MAPRE2: variants seen among roughly 807,000 people sequenced by gnomAD.
MAPRE2 encodes microtubule associated protein RP/EB family member 2.
Under a neutral mutation model 43.2 loss-of-function variants are expected in MAPRE2, and 13 were observed. The ratio of observed to expected loss-of-function variants is 0.30; its 90% CI spans 0.20 to 0.48. The LOEUF (loss-of-function observed/expected upper bound fraction) is 0.48, where lower values mean the gene tolerates loss of function less well. Ranked by LOEUF, MAPRE2 falls within the 20% of genes least tolerant of loss-of-function variation. MAPRE2 has a pLI of 0.99. For missense variants in MAPRE2, 161 were observed against 400.2 expected (o/e 0.40, Z 5.10); for synonymous variants, 135 against 148.8 (o/e 0.91, Z 0.68).
intron 4 of MAPRE2, among the ~76,000 whole-genome samples, chr18:35,105,794 C>T (rs926883748): frequency 6.6e-6 from 1 of 151,938 alleles, no homozygotes; most frequent in African/African-American, 2.4e-5. Flanking sequence ...TACTAAAGAG[C>T]CTCATAGTAT....
chr18:35,035,056 T>A (rs901116462), intron 2 of MAPRE2, among the ~76,000 whole-genome samples: 3 of 151,946 alleles, frequency 2.0e-5, no homozygotes, highest in Non-Finnish European at 4.4e-5. Flanking sequence ...TAAAGACACA[T>A]GCACACGTAT....
At chr18:35,122,580 T>A (rs144229330) in intron 4 of MAPRE2, among the ~76,000 whole-genome samples, 327 of 152,350 alleles carry the variant, frequency 2.1e-3, no homozygotes, top group African/African-American at 7.6e-3. Flanking sequence ...TGTTTAGAAT[T>A]TTTTTTCCAT....
chr18:35,115,257 A>T (rs190402611), intron 4 of MAPRE2, among the ~76,000 whole-genome samples: 1 of 152,308 alleles, frequency 6.6e-6, no homozygotes, highest in African/African-American at 2.4e-5. Context: ...CAGTCAACAC[A>T]TGGCTGTTTT....
chr18:34,989,143 A>G (rs532186612), intron 1 of MAPRE2, among the ~76,000 whole-genome samples: 1 of 152,158 alleles, frequency 6.6e-6, no homozygotes, highest in Non-Finnish European at 1.5e-5. Context: ...AAAAGGAAGG[A>G]GGGGAGTGGG....
At chr18:35,082,988 C>T (rs1907713577) in intron 2 of MAPRE2, among the ~76,000 whole-genome samples, 1 of 152,124 alleles carries the variant, frequency 6.6e-6, no homozygotes, top group African/African-American at 2.4e-5. Context: ...AGACTAAGGT[C>T]ATATTCCTCA....
At chr18:35,134,598 A>G (rs896412966) in intron 6 of MAPRE2, among the ~76,000 whole-genome samples, 3 of 152,222 alleles carry the variant, frequency 2.0e-5, no homozygotes, top group Admixed American at 6.5e-5. Context: ...CAGGGAGGAA[A>G]CGAACATAGT....
chr18:35,000,240 A>G (rs1450704307), intron 1 of MAPRE2, among the ~76,000 whole-genome samples: 1 of 152,188 alleles, frequency 6.6e-6, no homozygotes, highest in Non-Finnish European at 1.5e-5. Context: ...TCTTCTTGGA[A>G]AAGCTGTGAA....
Position 35,102,022 on chromosome 18 carries a change from A to G in MAPRE2, c.473A>G (p.Tyr158Cys), listed in dbSNP as rs1569004058. 2 of 1,613,518 alleles carry G rather than the reference A, an allele frequency of 1.2e-6. No individual in the cohort carries two copies. The highest frequency in any genetic ancestry group is 1.7e-6 in the Non-Finnish European group (2 of 1,179,750). ...LDFIQWFKKF[Y>C]DANYDGKEYD... ...TTTATTCAATGGTTTAAGAAATTCT[A>G]TGATGCTAACTACGATGGGAAGGAG... Residue 158 changes from tyrosine to cysteine, a missense_variant, in exon 4 of 7, where the codon TAT (tyrosine) becomes TGT (cysteine). Physicochemically the swap from Tyr to Cys is radical, Grantham distance 194. Transcript: ENST00000300249.
chr18:35,080,134 T>C (rs937416130), intron 2 of MAPRE2, among the ~76,000 whole-genome samples: 3 of 152,216 alleles, frequency 2.0e-5, no homozygotes, highest in Non-Finnish European at 4.4e-5. Flanking sequence ...TGAAATGCTA[T>C]TCAAACTAGG....
intron 4 of MAPRE2, 120 bp downstream of exon 4, chr18:35,102,279 G>A (rs772788515): frequency 1.6e-4 from 110 of 687,188 alleles, no homozygotes; most frequent in Middle Eastern, 4.1e-4. Context: ...TAATGCCTTC[G>A]GATGATTTCT....
chr18:35,083,601 A>G (rs544931400), intron 2 of MAPRE2, among the ~76,000 whole-genome samples: 51 of 152,168 alleles, frequency 3.4e-4, no homozygotes, highest in Admixed American at 9.8e-4. Context: ...TGCCTCTCCT[A>G]CTTCTTCCTT....
At chr18:35,055,567 G>GTGTGTGTGTGTGTA (rs1568986600) in intron 1 of MAPRE2, among the ~76,000 whole-genome samples, 3 of 150,480 alleles carry the variant, frequency 2.0e-5, no homozygotes, top group African/African-American at 7.4e-5. Context: ...GTGTGTGTAT[G>GTGTGTGTGTGTGTA]TGTGTGTGTG....
rs767183918 is a variant in MAPRE2 at position 35,127,149 on chromosome 18, T to G, written c.750+62T>G. 3 of 1,550,516 alleles carry G rather than the reference T, an allele frequency of 1.9e-6. No individual in the cohort carries two copies. In the Admixed American group the frequency reaches 5.0e-5, roughly 26 times the overall value. ...TGACGTGTGTAAGAGGTAGGGGGCC[T>G]AGGATCCCCTAGGACTGGGGTAAGG... On this transcript the variant is annotated intron_variant, in intron 5 of 6. Coordinates refer to ENST00000300249, the MANE Select transcript of MAPRE2 (RefSeq NM_014268.4).
At chr18:35,035,183 T>C (rs1190478562) in intron 2 of MAPRE2, among the ~76,000 whole-genome samples, 3 of 151,906 alleles carry the variant, frequency 2.0e-5, no homozygotes, top group Non-Finnish European at 4.4e-5. Flanking sequence ...TATGCAGCCA[T>C]AAAAAATGAT....
At chr18:35,010,524 T>C (rs1177731602) in intron 2 of MAPRE2, among the ~76,000 whole-genome samples, 1 of 152,226 alleles carries the variant, frequency 6.6e-6, no homozygotes, top group East Asian at 1.9e-4. Context: ...TATTGAAATA[T>C]TGATTTTCTT....
intron 2 of MAPRE2, among the ~76,000 whole-genome samples, chr18:35,082,639 C>T (rs1907697610): frequency 6.6e-6 from 1 of 152,108 alleles, no homozygotes; most frequent in Non-Finnish European, 1.5e-5. Flanking sequence ...CTCTCTCTCT[C>T]TTTTCAATGA....
chr18:35,022,251 A>G (rs2063590969), intron 2 of MAPRE2, among the ~76,000 whole-genome samples: 1 of 152,206 alleles, frequency 6.6e-6, no homozygotes, highest in Non-Finnish European at 1.5e-5. Flanking sequence ...AAAGAATCCA[A>G]TTACAAGAAG....
At chr18:34,996,318 C>T (rs903127078) in intron 1 of MAPRE2, among the ~76,000 whole-genome samples, 6 of 152,030 alleles carry the variant, frequency 3.9e-5, no homozygotes, top group African/African-American at 1.5e-4. Flanking sequence ...ACTGTTCCAC[C>T]TCAGATCATC....
Position 35,102,056 on chromosome 18 carries a change from T to C in MAPRE2, c.507T>C (p.Pro169=), listed in dbSNP as rs1406315716. ...ACTACGATGGGAAGGAGTATGATCC[T>C]GTAGAGGCACGACAAGGGCAAGATG... ...DANYDGKEYD[P]VEARQGQDAI... The change falls in exon 4 of 7, where the codon CCT becomes CCC. Residue 169 remains proline, a synonymous_variant. Transcript: ENST00000300249. 1 of 1,613,196 alleles carries C rather than the reference T, an allele frequency of 6.2e-7. No homozygotes were observed. Among genetic ancestry groups the C allele is most frequent in the South Asian group, 1.1e-5 (1 of 91,038 alleles).
Sources: gnomAD v4.1 joint callset for allele counts (sites outside exome capture counted in the v4.1 genomes callset) on GRCh38, gnomAD v4.1.1 for gene constraint, MANE v1.5 for transcripts, NCBI Gene and HGNC (gene_info 2026-07-23, HGNC 2026-07-21) for gene names.